Variants in SOBP observed in about 807,000 individuals in gnomAD.
SOBP encodes sine oculis-binding protein homolog.
In SOBP, 4 loss-of-function variants were observed where a neutral mutation model predicts 53.6. The observed-to-expected ratio is 0.07, with a 90% CI of 0.04 to 0.17. The LOEUF (loss-of-function observed/expected upper bound fraction) is 0.17, where lower values mean the gene tolerates loss of function less well. Among genes scored for constraint, SOBP ranks in the 10% least tolerant of loss-of-function variants. The probability of loss-of-function intolerance (pLI) is 1.00; values close to 1 mark genes in which losing one functional copy is unlikely to be tolerated. For missense variants in SOBP, 1,088 were observed against 1,204.7 expected (o/e 0.90, Z 1.43); for synonymous variants, 584 against 522.6 (o/e 1.12, Z -1.60).
chr6:107,532,547 A>G (rs757781850), intron 3 of SOBP, among the ~76,000 whole-genome samples: 1 of 152,196 alleles, frequency 6.6e-6, no homozygotes, highest in African/African-American at 2.4e-5. Flanking sequence ...AAGCAGTAGT[A>G]TTTGTGATAT....
chr6:107,642,918 A>C (rs1226812715), intron 6 of SOBP, among the ~76,000 whole-genome samples: 1 of 152,252 alleles, frequency 6.6e-6, no homozygotes, highest in Non-Finnish European at 1.5e-5. Flanking sequence ...TTATTTCCCC[A>C]GATATGTTTT....
At chr6:107,521,811 T>C (rs1344042262) in intron 3 of SOBP, among the ~76,000 whole-genome samples, 2 of 152,016 alleles carry the variant, frequency 1.3e-5, no homozygotes, top group African/African-American at 4.8e-5. Context: ...CTTCTCCTTG[T>C]GCTGAGGTCC....
chr6:107,591,903 A>C (rs1273797396), intron 5 of SOBP, among the ~76,000 whole-genome samples: 6 of 142,880 alleles, frequency 4.2e-5, no homozygotes, highest in African/African-American at 1.6e-4. Flanking sequence ...ACCCCCTCCC[A>C]CTTTTTTTGC....
At chr6:107,606,891 A>G (rs1339376404) in intron 5 of SOBP, among the ~76,000 whole-genome samples, 1 of 152,192 alleles carries the variant, frequency 6.6e-6, no homozygotes, top group Admixed American at 6.5e-5. Flanking sequence ...GTGATGTCCA[A>G]CGTGGAGCTT....
At chr6:107,504,815 C>G (rs1246801281) in intron 2 of SOBP, among the ~76,000 whole-genome samples, 1 of 152,200 alleles carries the variant, frequency 6.6e-6, no homozygotes, top group African/African-American at 2.4e-5. Context: ...TGAAATTGTA[C>G]ACATCATGCT....
rs1583292872 is a variant in SOBP, at chr6:107,633,452, C to T, written c.670-62C>T. Reference sequence around the variant, plus strand: ...AAGAACCTTTATGTGAAACACGAAACGTCATCTACCCAGGTAAATTGCTTG... The same window carrying T: ...AAGAACCTTTATGTGAAACACGAAATGTCATCTACCCAGGTAAATTGCTTG... On this transcript the variant is annotated intron_variant, in intron 5 of 6. Transcript: ENST00000317357. 6.9e-6 allele frequency: 11 copies of T among 1,601,722 alleles called. No homozygotes were observed. The East Asian group carries it at 8.9e-5, about 13-fold the overall frequency.
At chr6:107,624,323 G>A (rs1202919757) in intron 5 of SOBP, among the ~76,000 whole-genome samples, 1 of 152,196 alleles carries the variant, frequency 6.6e-6, no homozygotes, top group African/African-American at 2.4e-5. Flanking sequence ...TCCTGGGTCA[G>A]TGGCAGCTGG....
At chr6:107,563,564 A>C (rs186825087) in intron 4 of SOBP, among the ~76,000 whole-genome samples, 5 of 152,312 alleles carry the variant, frequency 3.3e-5, no homozygotes, top group Admixed American at 3.3e-4. Context: ...AGGAAGCATC[A>C]TTAGTAAAAA....
chr6:107,609,936 G>A (rs1259335075), intron 5 of SOBP, among the ~76,000 whole-genome samples: 2 of 152,072 alleles, frequency 1.3e-5, no homozygotes, highest in Admixed American at 1.3e-4. Context: ...CTAGTTCTAC[G>A]AGGACCTCTC....
rs2114263449 is a variant in SOBP, at chr6:107,660,196, T to A, written c.*1993T>A. ...ATTATGACTACTGTTTTTTTTTGTTTTTTGTTTTTTGTTTTATTACAGAGG... is the reference window on the plus strand; with the variant it reads ...ATTATGACTACTGTTTTTTTTTGTTATTTGTTTTTTGTTTTATTACAGAGG... On this transcript the variant is annotated 3_prime_UTR_variant, in exon 7 of 7. Coordinates refer to ENST00000317357, the MANE Select transcript of SOBP (RefSeq NM_018013.4). 6.5e-6 allele frequency: 1 copy of A among 152,716 alleles called. No individual in the cohort carries two copies. Among genetic ancestry groups the A allele is most frequent in the East Asian group, 1.9e-4 (1 of 5,192 alleles). The allele number at this position is 152,716 out of a possible 1,614,324, so 9.5% of individuals were successfully genotyped here. A position where few individuals can be genotyped will look rare whatever the true frequency, so the allele number is the denominator to read the frequency against.
chr6:107,505,523 A>T (rs1483078289), intron 2 of SOBP, among the ~76,000 whole-genome samples: 1 of 151,926 alleles, frequency 6.6e-6, no homozygotes, highest in African/African-American at 2.4e-5. Context: ...GGGTCTCACC[A>T]TGTTGGCCAG....
intron 5 of SOBP, among the ~76,000 whole-genome samples, chr6:107,630,497 G>A (rs531510750): frequency 1.1e-4 from 16 of 152,290 alleles, no homozygotes; most frequent in African/African-American, 3.4e-4. Flanking sequence ...TGTGTCATTA[G>A]TTAGATGTAG....
At chr6:107,604,457 C>T (rs1284627170) in intron 5 of SOBP, among the ~76,000 whole-genome samples, 5 of 152,122 alleles carry the variant, frequency 3.3e-5, no homozygotes, top group South Asian at 2.1e-4. Context: ...TTTCACTGCT[C>T]GTCCTGTTCT....
At chr6:107,494,152 G>C (rs1782643985) in intron 1 of SOBP, among the ~76,000 whole-genome samples, 1 of 152,100 alleles carries the variant, frequency 6.6e-6, no homozygotes, top group Non-Finnish European at 1.5e-5. Flanking sequence ...CTTACAATTA[G>C]TCTGCCTTAT....
intron 5 of SOBP, among the ~76,000 whole-genome samples, chr6:107,614,798 C>T (rs1366743605): frequency 6.6e-6 from 1 of 152,158 alleles, no homozygotes; most frequent in Non-Finnish European, 1.5e-5. Flanking sequence ...AATGCAAAAC[C>T]GGTATCAAAA....
At chr6:107,544,318 T>C (rs1163022906) in intron 4 of SOBP, among the ~76,000 whole-genome samples, 1 of 152,206 alleles carries the variant, frequency 6.6e-6, no homozygotes, top group Admixed American at 6.5e-5. Context: ...CCATTATTAA[T>C]TAATCTATTT....
intron 5 of SOBP, among the ~76,000 whole-genome samples, chr6:107,624,938 G>A (rs1436420434): frequency 1.3e-5 from 2 of 152,180 alleles, no homozygotes; most frequent in Admixed American, 6.5e-5. Context: ...GTAGGAAAGT[G>A]CAAAAAACCC....
chr6:107,594,423 A>G lies in SOBP; in HGVS notation c.669+7248A>G, dbSNP rs572530540. Among the ~76,000 whole-genome samples, 179 of 152,244 alleles carry G rather than the reference A, an allele frequency of 1.2e-3. 3 individuals are homozygous for G. In the South Asian group the frequency reaches 0.026, roughly 22 times the overall value. On this transcript the variant is annotated intron_variant, in intron 5 of 6. Coordinates refer to ENST00000317357, the MANE Select transcript of SOBP (RefSeq NM_018013.4). ...TGCACATTTGCATGAAAACCCCACA[A>G]AATTTCCCTTTGAACAGTGAAGGGG...
At chr6:107,655,461 G>A (rs1173738504) in intron 6 of SOBP, among the ~76,000 whole-genome samples, 2 of 152,150 alleles carry the variant, frequency 1.3e-5, no homozygotes, top group Non-Finnish European at 2.9e-5. Context: ...TCTGGCCTTT[G>A]TGGGTGTCCC....
Sources: allele counts gnomAD v4.1 joint callset (sites outside exome capture counted in the v4.1 genomes callset), GRCh38; gene constraint gnomAD v4.1.1; transcripts MANE v1.5; gene names NCBI Gene and HGNC (gene_info 2026-07-23, HGNC 2026-07-21).